Variants in PSMD14 observed in about 807,000 individuals in gnomAD.
PSMD14 encodes ubiquitin C-terminal hydrolase PSMD14.
Under a neutral mutation model 41.2 loss-of-function variants are expected in PSMD14, and 7 were observed. The observed-to-expected ratio is 0.17, with a 90% CI of 0.10 to 0.32. The LOEUF (loss-of-function observed/expected upper bound fraction) is 0.32, where lower values mean the gene tolerates loss of function less well. Ranked by LOEUF, PSMD14 falls within the 10% of genes least tolerant of loss-of-function variation. PSMD14 has a pLI of 1.00. For synonymous variants in PSMD14, 114 were observed against 122.3 expected (o/e 0.93, Z 0.45); for missense variants, 139 against 375.6 (o/e 0.37, Z 5.21).
chr2:161,377,759 C>G (rs1384777071), intron 7 of PSMD14, among the ~76,000 whole-genome samples: 1 of 151,820 alleles, frequency 6.6e-6, no homozygotes. Flanking sequence ...AGTAAAAATA[C>G]ATCATTCATT....
chr2:161,396,624 T>C (rs1001017769), intron 10 of PSMD14, among the ~76,000 whole-genome samples: 3 of 151,970 alleles, frequency 2.0e-5, no homozygotes, highest in African/African-American at 7.3e-5. Flanking sequence ...ACCAGGAATG[T>C]GAGGTTTGGG....
chr2:161,396,640 C>T (rs796397852), intron 10 of PSMD14, among the ~76,000 whole-genome samples: 3 of 151,542 alleles, frequency 2.0e-5, no homozygotes, highest in South Asian at 2.1e-4. Flanking sequence ...TTGGGTGGAG[C>T]GGGGTGGGTT....
At chr2:161,353,323 A>G (rs1683146264) in intron 3 of PSMD14, among the ~76,000 whole-genome samples, 1 of 152,228 alleles carries the variant, frequency 6.6e-6, no homozygotes, top group African/African-American at 2.4e-5. Context: ...CATAAAGCCA[A>G]AAGTATGGAT....
chr2:161,387,910 GAT>G (rs930891749), intron 8 of PSMD14, among the ~76,000 whole-genome samples: 2 of 151,942 alleles, frequency 1.3e-5, no homozygotes, highest in African/African-American at 4.8e-5. Flanking sequence ...TAATAATCCT[GAT>G]AGAGAGGAGA....
At chr2:161,332,688 A>G (rs1451530831) in intron 3 of PSMD14, among the ~76,000 whole-genome samples, 1 of 152,182 alleles carries the variant, frequency 6.6e-6, no homozygotes, top group African/African-American at 2.4e-5. Context: ...TTGCAGTACC[A>G]TGTTTTTTTA....
At chr2:161,360,633 G>A (rs1178601837) in intron 3 of PSMD14, among the ~76,000 whole-genome samples, 1 of 152,182 alleles carries the variant, frequency 6.6e-6, no homozygotes, top group Non-Finnish European at 1.5e-5. Context: ...GGGATTACAG[G>A]CATGAGCTAC....
intron 10 of PSMD14, among the ~76,000 whole-genome samples, chr2:161,399,505 G>A (rs1003288732): frequency 3.9e-5 from 6 of 152,022 alleles, no homozygotes; most frequent in African/African-American, 1.4e-4. Flanking sequence ...GGTTCCATGA[G>A]TAAGTTCTTT....
rs759681452 is a variant in PSMD14 at position 161,392,164 on chromosome 2, A to G, written c.645+986A>G. Among the ~76,000 whole-genome samples the G allele has an allele frequency of 7.2e-5, 11 of 152,302 alleles. No homozygotes were observed. In the East Asian group the frequency reaches 1.2e-3, roughly 16 times the overall value. On this transcript the variant is annotated intron_variant, in intron 9 of 11. Transcript: ENST00000409682. ...CTGCCTGTTGTTTTTTGATATTACA[A>G]TCTGAACCAGTTTCCCCCCTTTACT... is the stretch of plus-strand genomic sequence containing the variant.
chr2:161,324,349 G>C (rs1178785046), intron 3 of PSMD14, among the ~76,000 whole-genome samples: 2 of 152,136 alleles, frequency 1.3e-5, no homozygotes, highest in African/African-American at 4.8e-5. Flanking sequence ...TAAATAACGT[G>C]ATTTGTAAGT....
chr2:161,312,339 T>C (rs1041242018), intron 1 of PSMD14, among the ~76,000 whole-genome samples: 8 of 152,106 alleles, frequency 5.3e-5, no homozygotes, highest in Admixed American at 1.3e-4. Flanking sequence ...AGACGGGGTT[T>C]TGCCATGTTG....
At chr2:161,313,647 G>C (rs980535038) in intron 1 of PSMD14, among the ~76,000 whole-genome samples, 2 of 152,196 alleles carry the variant, frequency 1.3e-5, no homozygotes, top group Non-Finnish European at 2.9e-5. Context: ...ACCACGCCCA[G>C]CCTAAATACA....
At chr2:161,350,023 A>G (rs1010511021) in intron 3 of PSMD14, among the ~76,000 whole-genome samples, 1 of 152,222 alleles carries the variant, frequency 6.6e-6, no homozygotes, top group Non-Finnish European at 1.5e-5. Context: ...CCATTTGGTG[A>G]GGGTACTTAA....
At chr2:161,343,987 A>G (rs1260895616) in intron 3 of PSMD14, among the ~76,000 whole-genome samples, 16 of 152,204 alleles carry the variant, frequency 1.1e-4, no homozygotes, top group Non-Finnish European at 1.2e-4. Flanking sequence ...AAACAATATA[A>G]TAGCTATTTG....
intron 3 of PSMD14, chr2:161,340,922 GTCC>G (rs972825578): frequency 1.9e-5 from 30 of 1,613,560 alleles, no homozygotes; most frequent in African/African-American, 5.3e-5. Flanking sequence ...AGCCTTCTCC[GTCC>G]TCCTCCTCAG....
intron 7 of PSMD14, among the ~76,000 whole-genome samples, chr2:161,380,695 A>C (rs1311176449): frequency 1.3e-5 from 2 of 152,036 alleles, no homozygotes; most frequent in Admixed American, 1.3e-4. Context: ...AAATCACAGC[A>C]ATTCAGTGAT....
At chr2:161,407,767 C>T (rs941932692) in intron 10 of PSMD14, 1 of 151,980 alleles carries the variant, frequency 6.6e-6, no homozygotes, top group Admixed American at 6.6e-5. Context: ...CATCTCACCT[C>T]CTTTTGTAAC....
chr2:161,409,376 T>C (rs932732127), intron 11 of PSMD14, among the ~76,000 whole-genome samples: 6 of 152,056 alleles, frequency 3.9e-5, no homozygotes, highest in Admixed American at 6.6e-5. Context: ...TATATTTTAG[T>C]CTCTATTATC....
intron 3 of PSMD14, among the ~76,000 whole-genome samples, chr2:161,346,459 C>T (rs1683043340): frequency 6.6e-6 from 1 of 151,432 alleles, no homozygotes; most frequent in Non-Finnish European, 1.5e-5. Flanking sequence ...ACATCTTTGT[C>T]AGTGCTCAGT....
chr2:161,353,341 A>G (rs990953387), intron 3 of PSMD14, among the ~76,000 whole-genome samples: 19 of 152,336 alleles, frequency 1.2e-4, no homozygotes, highest in Admixed American at 1.2e-3. Flanking sequence ...GATAAGGAAG[A>G]GCATGTCTAC....
Sources: allele counts gnomAD v4.1 joint callset (sites outside exome capture counted in the v4.1 genomes callset), GRCh38; gene constraint gnomAD v4.1.1; transcripts MANE v1.5; gene names NCBI Gene and HGNC (gene_info 2026-07-23, HGNC 2026-07-21).